The following RBFOX1 variants were observed in gnomAD, a reference collection of about 807,000 sequenced individuals.
RBFOX1 encodes the protein RNA binding protein fox-1 homolog 1.
In RBFOX1, 8 loss-of-function variants were observed where a neutral mutation model predicts 57.7. The observed-to-expected ratio is 0.14, with a 90% CI of 0.08 to 0.25. RBFOX1 has a LOEUF of 0.25. Among genes scored for constraint, RBFOX1 ranks in the 10% least tolerant of loss-of-function variants. The probability of loss-of-function intolerance (pLI) is 1.00; values close to 1 mark genes in which losing one functional copy is unlikely to be tolerated. For missense variants in RBFOX1, 611 were observed against 548.5 expected, an observed-to-expected ratio of 1.11 and a Z score of -1.14; for synonymous variants, 326 against 222.4, an observed-to-expected ratio of 1.47 and a Z score of -4.15.
chr16:5,278,423 C>G (rs1223530502), intron 1 of RBFOX1, among the ~76,000 whole-genome samples: 3 of 152,152 alleles, frequency 2.0e-5, no homozygotes, highest in Non-Finnish European at 4.4e-5. Flanking sequence ...TCAGCATGAA[C>G]TCTTTGCCCA....
intron 5 of RBFOX1, among the ~76,000 whole-genome samples, chr16:7,541,277 G>T (rs2082848050): frequency 6.6e-6 from 1 of 152,184 alleles, no homozygotes; most frequent in Non-Finnish European, 1.5e-5. Context: ...AGAGTTTATT[G>T]CTTCTAAAAG....
intron 3 of RBFOX1, among the ~76,000 whole-genome samples, chr16:5,741,182 C>T (rs1264062698): frequency 6.6e-6 from 1 of 152,090 alleles, no homozygotes; most frequent in East Asian, 1.9e-4. Flanking sequence ...AGCAGAGTCT[C>T]ATCTCATCCC....
At chr16:6,314,678 A>G (rs1427067524) in intron 1 of RBFOX1, among the ~76,000 whole-genome samples, 1 of 152,180 alleles carries the variant, frequency 6.6e-6, no homozygotes, top group African/African-American at 2.4e-5. Context: ...TAGGAGCTGA[A>G]AAGGTTGAAC....
chr16:5,867,789 G>C (rs2057378000), intron 4 of RBFOX1, among the ~76,000 whole-genome samples: 1 of 151,982 alleles, frequency 6.6e-6, no homozygotes, highest in South Asian at 2.1e-4. Context: ...TCGGCTCACT[G>C]CAACCTCCGC....
intron 3 of RBFOX1, among the ~76,000 whole-genome samples, chr16:5,793,673 G>A (rs1322005794): frequency 6.6e-6 from 1 of 152,214 alleles, no homozygotes; most frequent in Admixed American, 6.5e-5. Flanking sequence ...ATGCTGGAGG[G>A]CCCAGACTGG....
At chr16:6,273,454 C>G (rs1029751184) in intron 1 of RBFOX1, among the ~76,000 whole-genome samples, 5 of 147,318 alleles carry the variant, frequency 3.4e-5, no homozygotes, top group Non-Finnish European at 6.0e-5. Context: ...CAGCGATTCT[C>G]CTGCCTCAGC....
chr16:6,642,460 G>T (rs2993), intron 2 of RBFOX1, among the ~76,000 whole-genome samples: 84,328 of 151,748 alleles, frequency 0.56, 24,789 homozygotes, highest in South Asian at 0.81. Flanking sequence ...CAGGGATGCC[G>T]TTCTCGGTAC....
chr16:6,606,083 TG>T (rs1456018359), intron 2 of RBFOX1, among the ~76,000 whole-genome samples: 16 of 152,082 alleles, frequency 1.1e-4, no homozygotes, highest in African/African-American at 3.6e-4. Flanking sequence ...CACTCTAGCC[TG>T]GGTGACAGAG....
intron 2 of RBFOX1, among the ~76,000 whole-genome samples, chr16:6,550,820 C>G (rs1202827166): frequency 6.6e-6 from 1 of 152,222 alleles, no homozygotes; most frequent in Non-Finnish European, 1.5e-5. Flanking sequence ...TGCTTCGGCA[C>G]TTCACATTGA....
At chr16:5,242,442 T>C (rs9940643) in intron 1 of RBFOX1, among the ~76,000 whole-genome samples, 6,752 of 152,212 alleles carry the variant, frequency 0.044, 317 homozygotes, top group African/African-American at 0.12. Flanking sequence ...CAAAGCCCAC[T>C]GCTGCCCACA....
At chr16:5,251,852 A>T (rs1431792800) in intron 1 of RBFOX1, among the ~76,000 whole-genome samples, 1 of 152,150 alleles carries the variant, frequency 6.6e-6, no homozygotes. Context: ...ATAAAATACT[A>T]TTATAAAATA....
At chr16:6,104,944 T>C (rs529885715) in intron 1 of RBFOX1, among the ~76,000 whole-genome samples, 1 of 152,328 alleles carries the variant, frequency 6.6e-6, no homozygotes, top group East Asian at 1.9e-4. Context: ...AGAACTTTCT[T>C]TTCTAGGAGC....
At chr16:7,245,040 T>C (rs1016516714) in intron 4 of RBFOX1, among the ~76,000 whole-genome samples, 1 of 152,178 alleles carries the variant, frequency 6.6e-6, no homozygotes, top group African/African-American at 2.4e-5. Context: ...ATTAGAAATA[T>C]ACCAGACTTT....
chr16:7,203,153 G>A, intron 4 of RBFOX1, among the ~76,000 whole-genome samples: 1 of 152,292 alleles, frequency 6.6e-6, no homozygotes, highest in Middle Eastern at 3.4e-3. Flanking sequence ...GTTTATCAAT[G>A]ATGAACAGAT....
At chr16:5,263,595 T>C (rs943733907) in intron 1 of RBFOX1, among the ~76,000 whole-genome samples, 2 of 152,002 alleles carry the variant, frequency 1.3e-5, no homozygotes, top group African/African-American at 4.8e-5. Flanking sequence ...GAATGGGTGA[T>C]AAAGGCAGGT....
intron 9 of RBFOX1, among the ~76,000 whole-genome samples, chr16:7,603,833 G>A (rs2095164644): frequency 6.6e-6 from 1 of 152,126 alleles, no homozygotes; most frequent in South Asian, 2.1e-4. Flanking sequence ...CTCAAATTGG[G>A]AAGAAGCTAT....
At chr16:7,141,504 G>A (rs964083952) in intron 4 of RBFOX1, among the ~76,000 whole-genome samples, 14 of 152,278 alleles carry the variant, frequency 9.2e-5, no homozygotes, top group African/African-American at 3.4e-4. Flanking sequence ...GCACGGAAAT[G>A]GAGTTTTGCT....
chr16:6,855,381 G>A (rs1177204522), intron 3 of RBFOX1, among the ~76,000 whole-genome samples: 1 of 152,124 alleles, frequency 6.6e-6, no homozygotes, highest in Non-Finnish European at 1.5e-5. Flanking sequence ...GCCGGGCGCA[G>A]TGGCTCACGC....
intron 2 of RBFOX1, among the ~76,000 whole-genome samples, chr16:6,433,098 C>G (rs771775141): frequency 2.0e-4 from 31 of 152,212 alleles, no homozygotes; most frequent in Non-Finnish European, 3.7e-4. Context: ...GGGAGAAAGT[C>G]AGGAGCTCAG....
Sources: gnomAD v4.1 joint callset for allele counts (sites outside exome capture counted in the v4.1 genomes callset) on GRCh38, gnomAD v4.1.1 for gene constraint, MANE v1.5 for transcripts, NCBI Gene and HGNC (gene_info 2026-07-23, HGNC 2026-07-21) for gene names.